Variants in TFEC observed in about 807,000 individuals in gnomAD.
The protein encoded by TFEC is transcription factor EC, also known as class E basic helix-loop-helix protein 34.
A neutral mutation model predicts 41.6 loss-of-function variants in TFEC; 31 were observed. The observed-to-expected ratio is 0.74, with a 90% CI of 0.56 to 1.01. TFEC has a LOEUF of 1.01. TFEC is among the 50% of genes least tolerant of loss of function. The pLI is 0.00. For synonymous variants in TFEC, 143 were observed against 140.6 expected (o/e 1.02, Z -0.12); for missense variants, 402 against 404.1 (o/e 0.99, Z 0.04).
chr7:115,951,570 C>T (rs1316594702), intron 5 of TFEC, among the ~76,000 whole-genome samples: 2 of 151,962 alleles, frequency 1.3e-5, no homozygotes, highest in East Asian at 3.9e-4. Context: ...TACTTTGGCA[C>T]TCTTTAGACA....
At chr7:115,947,689 C>G (rs1001154034) in intron 6 of TFEC, among the ~76,000 whole-genome samples, 13 of 151,050 alleles carry the variant, frequency 8.6e-5, no homozygotes, top group African/African-American at 3.1e-4. Flanking sequence ...AGCATTTTTT[C>G]ATGTGTTTTT....
At chr7:116,154,409 G>A (rs555714423) in intron 1 of TFEC, among the ~76,000 whole-genome samples, 43 of 152,128 alleles carry the variant, frequency 2.8e-4, no homozygotes, top group African/African-American at 9.4e-4. Context: ...GAAGGAGTAC[G>A]TAACTAACAT....
intron 1 of TFEC, among the ~76,000 whole-genome samples, chr7:116,144,072 G>T (rs1161636128): frequency 6.6e-6 from 1 of 152,106 alleles, no homozygotes; most frequent in Admixed American, 6.6e-5. Flanking sequence ...ACAAAAATTA[G>T]CCAGGTATGG....
rs556088069 is a variant in TFEC, at chr7:116,006,942, C to T, written c.-72-22429G>A. 2.6e-5 allele frequency among the ~76,000 whole-genome samples: 4 copies of T among 152,228 alleles called. No individual in the cohort carries two copies. The South Asian group carries it at 8.3e-4, about 32-fold the overall frequency. Reference sequence around the variant, plus strand: ...GCACAATCTCTCTTCTCTTGTCTGCCACCATGTGAGATGTGTCTTTCACCT... The same window carrying T: ...GCACAATCTCTCTTCTCTTGTCTGCTACCATGTGAGATGTGTCTTTCACCT... On this transcript the variant is annotated intron_variant, in intron 1 of 7. Transcript: ENST00000265440.
intron 3 of TFEC, among the ~76,000 whole-genome samples, chr7:116,074,973 C>T (rs1194205109): frequency 3.9e-5 from 6 of 152,098 alleles, no homozygotes; most frequent in African/African-American, 1.2e-4. Context: ...ACATGACATC[C>T]TATGGCTAAA....
chr7:116,070,689 T>C lies in TFEC; in HGVS notation c.198+40019A>G, dbSNP rs577696494. Among the ~76,000 whole-genome samples the C allele has an allele frequency of 5.9e-5, 9 of 151,524 alleles. 1 individual carries two copies. In the South Asian group the frequency reaches 1.5e-3, roughly 24 times the overall value. Reference sequence around the variant, plus strand: ...AACATTATTGTCTCCTAGACATACATTGAAGTTTTAATGGCAAAATTTAGC... The same window carrying C: ...AACATTATTGTCTCCTAGACATACACTGAAGTTTTAATGGCAAAATTTAGC... On this transcript the variant is annotated intron_variant, in intron 3 of 8. Transcript: ENST00000484212.
chr7:115,944,337 A>G (rs560602843), intron 6 of TFEC, among the ~76,000 whole-genome samples: 1 of 151,500 alleles, frequency 6.6e-6, no homozygotes, highest in South Asian at 2.2e-4. Context: ...CAACTACTAC[A>G]TGTTGTAGAA....
At chr7:116,062,598 T>TATATA in intron 3 of TFEC, among the ~76,000 whole-genome samples, 1 of 141,250 alleles carries the variant, frequency 7.1e-6, no homozygotes, top group Non-Finnish European at 1.5e-5. Context: ...TATATATATA[T>TATATA]ATCACATTTT....
upstream of TFEC, among the ~76,000 whole-genome samples, chr7:116,035,627 A>G (rs1795891777): frequency 6.6e-6 from 1 of 152,124 alleles, no homozygotes; most frequent in African/African-American, 2.4e-5. Context: ...TGAAAAATGA[A>G]ATATTAAACA....
intron 3 of TFEC, among the ~76,000 whole-genome samples, chr7:116,070,399 T>G (rs933793659): frequency 6.6e-6 from 1 of 151,434 alleles, no homozygotes; most frequent in Non-Finnish European, 1.5e-5. Context: ...AAAATTAAGT[T>G]ATTTAGAAAT....
chr7:116,118,349 T>C (rs751312297), intron 1 of TFEC, among the ~76,000 whole-genome samples: 2 of 151,932 alleles, frequency 1.3e-5, no homozygotes, highest in Non-Finnish European at 2.9e-5. Flanking sequence ...TTGCAAATTC[T>C]AAAATTATCA....
intron 5 of TFEC, among the ~76,000 whole-genome samples, chr7:115,952,439 T>C (rs1454232064): frequency 6.6e-6 from 1 of 152,054 alleles, no homozygotes; most frequent in East Asian, 1.9e-4. Flanking sequence ...TCCACACACA[T>C]TAACTCTTAT....
intron 1 of TFEC, among the ~76,000 whole-genome samples, chr7:116,132,888 A>G (rs905766849): frequency 1.3e-5 from 2 of 152,178 alleles, no homozygotes; most frequent in African/African-American, 4.8e-5. Flanking sequence ...TATTTTAATT[A>G]ATATGCATAT....
Position 115,935,618 on chromosome 7 carries a change from CTT to C in TFEC, c.*4931_*4932del, listed in dbSNP as rs1400677468. 6.6e-6 allele frequency: 1 copy of C among 151,616 alleles called. No homozygotes were observed. Among genetic ancestry groups the C allele is most frequent in the East Asian group, 1.9e-4 (1 of 5,188 alleles). 9.4% of individuals were successfully genotyped at this position (151,616 alleles called of 1,614,324 possible). A position where few individuals can be genotyped will look rare whatever the true frequency, so the allele number is the denominator to read the frequency against. On this transcript the variant is annotated 3_prime_UTR_variant, in exon 8 of 8. Coordinates refer to ENST00000265440, the MANE Select transcript of TFEC (RefSeq NM_012252.4). ...ATAATTCTTTCAGCAAAATCAGTCT[CTT>C]CTTTTATTTGTATATTTTGTCTGCT...
intron 1 of TFEC, among the ~76,000 whole-genome samples, chr7:116,015,103 TTATAA>T (rs1795139907): frequency 6.7e-6 from 1 of 149,384 alleles, no homozygotes; most frequent in African/African-American, 2.4e-5. Flanking sequence ...AATATTATAT[TTATAA>T]TATAATTATA....
chr7:116,048,633 C>G (rs957005003), intron 3 of TFEC, among the ~76,000 whole-genome samples: 2 of 152,116 alleles, frequency 1.3e-5, no homozygotes, highest in African/African-American at 2.4e-5. Flanking sequence ...TCAAAGAATG[C>G]CACAAAGATA....
chr7:116,108,345 C>T (rs1797767519), intron 3 of TFEC, among the ~76,000 whole-genome samples: 2 of 152,160 alleles, frequency 1.3e-5, no homozygotes, highest in South Asian at 4.1e-4. Context: ...TACTTGTAGG[C>T]CCAATTCAAA....
intron 1 of TFEC, among the ~76,000 whole-genome samples, chr7:116,012,653 C>A (rs971623813): frequency 6.6e-6 from 1 of 151,930 alleles, no homozygotes; most frequent in Non-Finnish European, 1.5e-5. Flanking sequence ...GTTGCAAATA[C>A]AGTATATTTA....
At chr7:115,952,791 C>T (rs996404521) in intron 5 of TFEC, among the ~76,000 whole-genome samples, 15 of 152,044 alleles carry the variant, frequency 9.9e-5, no homozygotes, top group Non-Finnish European at 2.2e-4. Flanking sequence ...TAATCCTGTA[C>T]TTAGATCCAG....
Sources: gnomAD v4.1 joint callset for allele counts (sites outside exome capture counted in the v4.1 genomes callset) on GRCh38, gnomAD v4.1.1 for gene constraint, MANE v1.5 for transcripts, NCBI Gene and HGNC (gene_info 2026-07-23, HGNC 2026-07-21) for gene names.